Variants in PADI6 observed in about 807,000 individuals in gnomAD.
PADI6 encodes peptidyl arginine deiminase 6.
PADI6 carries 66 observed loss-of-function variants against 78.2 expected under a neutral mutation model. The observed-to-expected ratio is 0.84, with a 90% CI of 0.69 to 1.04. PADI6 has a LOEUF of 1.04. Ranked by LOEUF, PADI6 falls within the 50% of genes least tolerant of loss-of-function variation. The pLI is 0.00. For missense variants in PADI6, 854 were observed against 866.1 expected (o/e 0.99, Z 0.18); for synonymous variants, 397 against 346.9 (o/e 1.14, Z -1.60).
intron 6 of PADI6, among the ~76,000 whole-genome samples, chr1:17,386,689 C>T (rs770947097): frequency 6.6e-6 from 1 of 152,174 alleles, no homozygotes; most frequent in Non-Finnish European, 1.5e-5. Flanking sequence ...CCGGTGGGCC[C>T]AGTTCCCTCA....
intron 13 of PADI6, among the ~76,000 whole-genome samples, chr1:17,396,618 A>G (rs944972741): frequency 1.3e-5 from 2 of 151,894 alleles, no homozygotes; most frequent in Non-Finnish European, 2.9e-5. Context: ...CATGAACCAC[A>G]TGACAAAGAC....
At chr1:17,393,093 C>G (rs2075205109) in intron 9 of PADI6, among the ~76,000 whole-genome samples, 1 of 152,056 alleles carries the variant, frequency 6.6e-6, no homozygotes, top group Admixed American at 6.6e-5. Flanking sequence ...TTGCAGTGCA[C>G]CTAGATCACG....
chr1:17,386,787 G>C (rs899566751), intron 6 of PADI6, among the ~76,000 whole-genome samples: 1 of 152,186 alleles, frequency 6.6e-6, no homozygotes, highest in Non-Finnish European at 1.5e-5. Context: ...AGAGTCCATC[G>C]GGAGGGCTGC....
At position 17,395,257 on chromosome 1, in the gene PADI6, G is replaced by C. The variant is rs185290700; in HGVS notation, c.1494+150G>C. 1,654 of 1,131,420 alleles carry C rather than the reference G, an allele frequency of 1.5e-3. 2 individuals are homozygous for C. The highest frequency in any genetic ancestry group is 3.1e-3 in the Admixed American group (112 of 36,588). 70.1% of individuals were successfully genotyped at this position (1,131,420 alleles called of 1,614,324 possible). A position where few individuals can be genotyped will look rare whatever the true frequency, so the allele number is the denominator to read the frequency against. On this transcript the variant is annotated intron_variant, in intron 12 of 15. Coordinates refer to ENST00000619609, the MANE Select transcript of PADI6 (RefSeq NM_207421.4). Reference sequence around the variant, plus strand: ...CTTGCTCTGTCACCCAGGCTGGAGTGCAGTGGCGTGATCTCCGCTCACTGC... The same window carrying C: ...CTTGCTCTGTCACCCAGGCTGGAGTCCAGTGGCGTGATCTCCGCTCACTGC...
intron 15 of PADI6, among the ~76,000 whole-genome samples, chr1:17,399,380 C>T (rs1418826248): frequency 6.6e-6 from 1 of 152,084 alleles, no homozygotes; most frequent in Non-Finnish European, 1.5e-5. Context: ...AGGTGGATCA[C>T]CTGAGGTCAG....
rs2075302956 is a variant in PADI6, at chr1:17,401,686, G to A, written c.*248G>A. ...TTACTAAATAGCCAATAAAGGGCTG[G>A]TGGGTGTGAATGCATCTTGGCAGTG... On this transcript the variant is annotated 3_prime_UTR_variant, in exon 16 of 16. Coordinates refer to ENST00000619609, the MANE Select transcript of PADI6 (RefSeq NM_207421.4). 2.0e-6 allele frequency: 1 copy of A among 499,180 alleles called. No individual in the cohort carries two copies. Among genetic ancestry groups the A allele is most frequent in the African/African-American group, 1.9e-5 (1 of 51,856 alleles). 30.9% of individuals were successfully genotyped at this position (499,180 alleles called of 1,614,324 possible).
chr1:17,397,726 T>C (rs2075260361), intron 14 of PADI6, among the ~76,000 whole-genome samples: 1 of 152,140 alleles, frequency 6.6e-6, no homozygotes, highest in African/African-American at 2.4e-5. Flanking sequence ...CTCTTACATA[T>C]GAGGGTAGTG....
intron 8 of PADI6, 106 bp downstream of exon 8, chr1:17,388,986 G>A (rs2075155642): frequency 1.6e-5 from 13 of 838,420 alleles, no homozygotes; most frequent in Non-Finnish European, 2.5e-5. Flanking sequence ...CCTCTCACCA[G>A]GAGAGTTGAA....
In PADI6 at chr1:17,398,674, A is replaced by ACCCCCCCCCCCCCCCC; in HGVS notation, c.1690-9_1690-8insCCCCCCCCCCCCCCCC. On this transcript the variant is annotated splice_polypyrimidine_tract_variant and intron_variant, in intron 14 of 15. Transcript: ENST00000619609. Reference sequence around the variant, plus strand: ...CCCCCGCCCCCCCCCCCACCCACCCACCCACCCACAGAAGTGCATTCACCT... The same window carrying ACCCCCCCCCCCCCCCC: ...CCCCCGCCCCCCCCCCCACCCACCCACCCCCCCCCCCCCCCCCCCACCCACAGAAGTGCATTCACCT... 1 of 93,248 alleles carries ACCCCCCCCCCCCCCCC rather than the reference A, an allele frequency of 1.1e-5. No individual in the cohort carries two copies. The allele number at this position is 93,248 out of a possible 1,614,324, so 5.8% of individuals were successfully genotyped here.
chr1:17,389,051 A>G (rs1407685556), intron 8 of PADI6, among the ~76,000 whole-genome samples, 171 bp downstream of exon 8: 1 of 152,220 alleles, frequency 6.6e-6, no homozygotes, highest in African/African-American at 2.4e-5. Flanking sequence ...TACATGCCTG[A>G]ATATTCCCAA....
rs1301708059 is a variant in PADI6 at position 17,388,381 on chromosome 1, A to G, written c.680A>G (p.Lys227Arg). Residue 227 changes from lysine to arginine, a missense_variant and splice_region_variant, in exon 7 of 16, where the codon AAA (lysine) becomes AGA (arginine). Lys to Arg is a conservative substitution (Grantham distance 26, BLOSUM62 2). Coordinates refer to ENST00000619609, the MANE Select transcript of PADI6 (RefSeq NM_207421.4). ...GGTCCATCCCTTCTTTCTCTCCTAG[A>G]AGACAACTCCAGTACCTTTGAGTTG... ...SKKARVYWPQ[K>R]DNSSTFELVL... 6.2e-7 allele frequency: 1 copy of G among 1,609,006 alleles called. No individual in the cohort carries two copies. The highest frequency in any genetic ancestry group is 8.5e-7 in the Non-Finnish European group (1 of 1,177,556).
intron 6 of PADI6, among the ~76,000 whole-genome samples, chr1:17,386,766 T>A (rs1924554): frequency 0.012 from 1,868 of 152,290 alleles, 45 homozygotes; most frequent in African/African-American, 0.042. Flanking sequence ...GAGGGGCTGC[T>A]GCAGAACTGC....
intron 2 of PADI6, among the ~76,000 whole-genome samples, chr1:17,374,624 C>T (rs998520071): frequency 1.3e-5 from 2 of 150,932 alleles, no homozygotes; most frequent in Admixed American, 6.6e-5. Context: ...AAAACTCCAT[C>T]GCAAAAAAAG....
intron 14 of PADI6, 66 bp from the exon 15 acceptor site, chr1:17,398,620 G>A (rs992946319): frequency 7.8e-6 from 8 of 1,022,486 alleles, no homozygotes; most frequent in Non-Finnish European, 1.1e-5. Context: ...AAGGAAACTG[G>A]TTTTAATTCC....
rs1249840870 is a variant in PADI6 at position 17,397,148 on chromosome 1, C to A, written c.1689+7C>A. ...GCAGAATGAATACGTGGAGGTAGGA[C>A]CAGTGTGAAGGGGGCCATCCCCAAG... On this transcript the variant is annotated splice_region_variant and intron_variant, in intron 14 of 15. Transcript: ENST00000619609. The A allele has an allele frequency of 6.2e-7, 1 of 1,613,604 alleles. No individual in the cohort carries two copies. The highest frequency in any genetic ancestry group is 1.1e-5 in the South Asian group (1 of 90,972).
intron 9 of PADI6, 95 bp from the exon 10 acceptor site, chr1:17,393,880 G>A (rs1158010148): frequency 1.8e-6 from 2 of 1,084,516 alleles, no homozygotes; most frequent in African/African-American, 1.6e-5. Context: ...GCAGGAGTTG[G>A]CAGGAAGGAA....
chr1:17,401,523 G>T lies in PADI6; in HGVS notation c.*85G>T, dbSNP rs527870899. 6.0e-5 allele frequency: 75 copies of T among 1,256,798 alleles called. 1 individual carries two copies. In the African/African-American group the frequency reaches 1.0e-3, roughly 17 times the overall value. 77.9% of individuals were successfully genotyped at this position (1,256,798 alleles called of 1,614,324 possible). On this transcript the variant is annotated 3_prime_UTR_variant, in exon 16 of 16. Coordinates refer to ENST00000619609, the MANE Select transcript of PADI6 (RefSeq NM_207421.4). ...ACAGCATGATTCTTTGCCCAGTAGA[G>T]GAGGCTGGAGAGTCCAGGCAACAGA...
chr1:17,392,181 G>T lies in PADI6; in HGVS notation c.1030G>T (p.Ala344Ser), dbSNP rs1476406428. 2 of 1,560,962 alleles carry T rather than the reference G, an allele frequency of 1.3e-6. No individual in the cohort carries two copies. Among genetic ancestry groups the T allele is most frequent in the Non-Finnish European group, 1.7e-6 (2 of 1,152,440 alleles). Residue 344 changes from alanine (A) to serine (S), a missense_variant, in exon 9 of 16, where the codon GCA becomes TCA. Ala to Ser is a moderately conservative substitution (Grantham distance 99, BLOSUM62 1). Coordinates refer to ENST00000619609, the MANE Select transcript of PADI6 (RefSeq NM_207421.4). The part of the protein sequence containing the change: ...KLSEKSNSQV[A>S]SVYEDPNRLG... ...GAGTGAGAAGAGCAACAGCCAGGTG[G>T]CATCTGTCTATGAGGACCCCAACCG... is the stretch of plus-strand genomic sequence containing the variant.
chr1:17,380,062 C>A (rs917179276), intron 4 of PADI6, 75 bp downstream of exon 4: 15 of 1,456,690 alleles, frequency 1.0e-5, no homozygotes, highest in Middle Eastern at 2.0e-4. Context: ...CTTGATCTGA[C>A]CTTCCTCGTG....
Sources: gnomAD v4.1 joint callset for allele counts (sites outside exome capture counted in the v4.1 genomes callset) on GRCh38, gnomAD v4.1.1 for gene constraint, MANE v1.5 for transcripts, NCBI Gene and HGNC (gene_info 2026-07-23, HGNC 2026-07-21) for gene names.